MSI2: variants seen among roughly 807,000 people sequenced by gnomAD.
The protein encoded by MSI2 is musashi RNA binding protein 2.
MSI2 carries 17 observed loss-of-function variants against 45.6 expected under a neutral mutation model. The observed-to-expected ratio is 0.37, with a 90% CI of 0.26 to 0.56. The LOEUF (loss-of-function observed/expected upper bound fraction) is 0.56, where lower values mean the gene tolerates loss of function less well. Ranked by LOEUF, MSI2 falls within the 20% of genes least tolerant of loss-of-function variation. The pLI is 0.77. For synonymous variants in MSI2, 156 were observed against 158.2 expected (o/e 0.99, Z 0.11); for missense variants, 293 against 444.2 (o/e 0.66, Z 3.06).
At chr17:57,582,879 G>A (rs569024876) in intron 7 of MSI2, among the ~76,000 whole-genome samples, 3 of 152,178 alleles carry the variant, frequency 2.0e-5, no homozygotes, top group African/African-American at 7.2e-5. Context: ...AGATATGAGA[G>A]CTTTTGTAGA....
At chr17:57,450,271 GAAA>G (rs2084979341) in intron 6 of MSI2, 1 of 92,316 alleles carries the variant, frequency 1.1e-5, no homozygotes, top group East Asian at 2.6e-4. Flanking sequence ...AAGAAAGAAA[GAAA>G]GAAAGAAAGA....
In MSI2 at chr17:57,525,907, G is replaced by A. The variant is rs572362122; in HGVS notation, c.406-3769G>A. 1.1e-4 allele frequency among the ~76,000 whole-genome samples: 17 copies of A among 152,294 alleles called. No homozygotes were observed. In the East Asian group the frequency reaches 1.9e-3, roughly 17 times the overall value. On this transcript the variant is annotated intron_variant, in intron 6 of 13. Coordinates refer to ENST00000284073, the MANE Select transcript of MSI2 (RefSeq NM_138962.4). ...AAGGATGAGGGTGGTGTCCCTAGAAGGGGTATTTCATAAGGGGTTAGAGAA... is the reference window on the plus strand; with the variant it reads ...AAGGATGAGGGTGGTGTCCCTAGAAAGGGTATTTCATAAGGGGTTAGAGAA...
At chr17:57,542,539 G>A (rs1197430893) in intron 7 of MSI2, among the ~76,000 whole-genome samples, 2 of 152,012 alleles carry the variant, frequency 1.3e-5, no homozygotes, top group East Asian at 1.9e-4. Flanking sequence ...ATCCCCTGGG[G>A]AGTTTTTAAG....
intron 7 of MSI2, among the ~76,000 whole-genome samples, chr17:57,546,978 TAAG>T (rs1184330116): frequency 6.6e-6 from 1 of 152,254 alleles, no homozygotes; most frequent in Non-Finnish European, 1.5e-5. Flanking sequence ...TGCTGAGGGC[TAAG>T]AAGAAGAGAA....
At chr17:57,413,642 T>C (rs1253852128) in intron 6 of MSI2, among the ~76,000 whole-genome samples, 1 of 152,032 alleles carries the variant, frequency 6.6e-6, no homozygotes, top group Non-Finnish European at 1.5e-5. Context: ...GGAGAGCTTT[T>C]CAGATCCTCA....
intron 10 of MSI2, among the ~76,000 whole-genome samples, chr17:57,647,956 G>GGTTT (rs763230650): frequency 1.3e-3 from 196 of 146,054 alleles, no homozygotes; most frequent in African/African-American, 4.1e-3. Context: ...AGTGTTTGTT[G>GGTTT]GTTTGTTTGT....
the MSI2 span, among the ~76,000 whole-genome samples, chr17:57,701,096 A>C: frequency 6.6e-6 from 1 of 152,094 alleles, no homozygotes; most frequent in East Asian, 1.9e-4. Context: ...AAATGAACAG[A>C]TATGTAAGGT....
chr17:57,611,441 C>A lies in MSI2; in HGVS notation c.538-4529C>A, dbSNP rs570345605. Among the ~76,000 whole-genome samples the A allele has an allele frequency of 2.1e-5, 2 of 95,474 alleles. 1 individual carries two copies. The highest frequency in any genetic ancestry group is 5.0e-5 in the Non-Finnish European group (2 of 39,628). 62.6% of individuals were successfully genotyped at this position (95,474 alleles called of 152,430 possible). ...GCCAAAAGCCAGAGTGTGAGGAGTG[C>A]CTCCTGCTGCCCTGTCAGCTCACTG... On this transcript the variant is annotated intron_variant, in intron 8 of 13. Transcript: ENST00000284073.
chr17:57,423,392 T>C (rs1484332399), intron 6 of MSI2, among the ~76,000 whole-genome samples: 1 of 152,262 alleles, frequency 6.6e-6, no homozygotes, highest in East Asian at 1.9e-4. Context: ...ATCTTGGGCC[T>C]CGTCTTACTT....
chr17:57,321,448 T>TA (rs1913336011), intron 5 of MSI2, among the ~76,000 whole-genome samples: 1 of 152,158 alleles, frequency 6.6e-6, no homozygotes, highest in South Asian at 2.1e-4. Context: ...CGTGATATCC[T>TA]AGCACTCTAG....
intron 6 of MSI2, among the ~76,000 whole-genome samples, chr17:57,472,156 G>A (rs1029494999): frequency 2.0e-5 from 3 of 152,188 alleles, no homozygotes; most frequent in Non-Finnish European, 4.4e-5. Context: ...GTTGAGAGCC[G>A]AAATAATGGA....
intron 6 of MSI2, among the ~76,000 whole-genome samples, chr17:57,509,200 C>T (rs891545960): frequency 6.6e-6 from 1 of 151,968 alleles, no homozygotes; most frequent in Admixed American, 6.6e-5. Flanking sequence ...ATAACTGCAC[C>T]GAAGTGTTCT....
intron 6 of MSI2, among the ~76,000 whole-genome samples, chr17:57,496,661 C>A (rs1193560837): frequency 2.6e-5 from 4 of 152,236 alleles, no homozygotes; most frequent in African/African-American, 9.6e-5. Flanking sequence ...GTGTTGCGGG[C>A]AGCCCTTCCC....
intron 5 of MSI2, among the ~76,000 whole-genome samples, chr17:57,400,973 CG>C (rs2083978543): frequency 6.6e-6 from 1 of 152,142 alleles, no homozygotes; most frequent in Non-Finnish European, 1.5e-5. Context: ...ACTTTTGAAT[CG>C]TGTGCATTTC....
At chr17:57,574,535 G>C (rs576873826) in intron 7 of MSI2, among the ~76,000 whole-genome samples, 2 of 152,178 alleles carry the variant, frequency 1.3e-5, no homozygotes, top group African/African-American at 4.8e-5. Flanking sequence ...TGTCCCCATG[G>C]TTGAGCCTCT....
chr17:57,669,446 T>TGAGAGCCCTGAGAGTTCCCC lies in MSI2; in HGVS notation c.791-5525_791-5506dup, dbSNP rs554147352. 8.5e-5 allele frequency among the ~76,000 whole-genome samples: 13 copies of TGAGAGCCCTGAGAGTTCCCC among 152,342 alleles called. No individual in the cohort carries two copies. The East Asian group carries it at 2.3e-3, about 27-fold the overall frequency. ...CTCTGACTAGGAACATAGAGTTCCC[T>TGAGAGCCCTGAGAGTTCCCC]GAGAGCCCTGAGAGTTCCCCAACTG... On this transcript the variant is annotated intron_variant, in intron 11 of 13. Coordinates refer to ENST00000284073, the MANE Select transcript of MSI2 (RefSeq NM_138962.4).
intron 6 of MSI2, among the ~76,000 whole-genome samples, chr17:57,423,535 G>T (rs1196390429): frequency 2.0e-5 from 3 of 152,134 alleles, no homozygotes; most frequent in African/African-American, 7.2e-5. Flanking sequence ...CACAATTGAA[G>T]TGTCTGTTGC....
At chr17:57,563,119 A>AC (rs918136512) in intron 7 of MSI2, among the ~76,000 whole-genome samples, 1 of 151,794 alleles carries the variant, frequency 6.6e-6, no homozygotes, top group African/African-American at 2.4e-5. Context: ...AAAAAAAAAA[A>AC]AACAGTGCAT....
chr17:57,647,248 G>T (rs1910729942), intron 10 of MSI2, among the ~76,000 whole-genome samples: 1 of 133,854 alleles, frequency 7.5e-6, no homozygotes, highest in African/African-American at 2.8e-5. Flanking sequence ...GGCCAACATG[G>T]TGAAATCTCG....
Sources: allele counts gnomAD v4.1 joint callset (sites outside exome capture counted in the v4.1 genomes callset), GRCh38; gene constraint gnomAD v4.1.1; transcripts MANE v1.5; gene names NCBI Gene and HGNC (gene_info 2026-07-23, HGNC 2026-07-21).